The following TSHZ3 variants were observed in gnomAD, a reference collection of about 807,000 sequenced individuals.
TSHZ3 encodes the protein teashirt zinc finger homeobox 3, also known as teashirt homolog 3.
Under a neutral mutation model 64.5 loss-of-function variants are expected in TSHZ3, and 10 were observed. The observed-to-expected ratio is 0.16, with a 90% CI of 0.10 to 0.26. TSHZ3 has a LOEUF of 0.26. Among genes scored for constraint, TSHZ3 ranks in the 10% least tolerant of loss-of-function variants. The probability of loss-of-function intolerance (pLI) is 1.00; values close to 1 mark genes in which losing one functional copy is unlikely to be tolerated. For missense variants in TSHZ3, 1,242 were observed against 1,421.7 expected, an observed-to-expected ratio of 0.87 and a Z score of 2.03; for synonymous variants, 608 against 593.1, an observed-to-expected ratio of 1.03 and a Z score of -0.36.
intron 1 of TSHZ3, among the ~76,000 whole-genome samples, chr19:31,283,103 C>T (rs778807542): frequency 2.0e-4 from 31 of 152,186 alleles, no homozygotes; most frequent in Non-Finnish European, 3.5e-4. Context: ...GAGGCCAAGG[C>T]AGGCAGACTG....
intron 5 of TSHZ3, among the ~76,000 whole-genome samples, chr19:31,189,562 T>A (rs1974868745): frequency 7.0e-6 from 1 of 142,984 alleles, no homozygotes; most frequent in African/African-American, 2.9e-5. Flanking sequence ...GTATTTGTCA[T>A]TTTTTTTTTC....
intron 5 of TSHZ3, among the ~76,000 whole-genome samples, chr19:31,177,507 C>G (rs914743764): frequency 7.2e-5 from 11 of 152,256 alleles, no homozygotes; most frequent in African/African-American, 2.4e-4. Flanking sequence ...TCCATCTTCA[C>G]ATACCCTTCT....
chr19:31,161,899 G>A (rs1047554920), intron 5 of TSHZ3, among the ~76,000 whole-genome samples: 1 of 152,220 alleles, frequency 6.6e-6, no homozygotes, highest in African/African-American at 2.4e-5. Context: ...TTCCAGTGAC[G>A]CTATTTCAAA....
intron 1 of TSHZ3, among the ~76,000 whole-genome samples, chr19:31,314,717 T>G (rs1358081600): frequency 6.6e-6 from 1 of 152,202 alleles, no homozygotes; most frequent in Non-Finnish European, 1.5e-5. Flanking sequence ...TGGGAGAAAT[T>G]AACCGTTTGG....
At chr19:31,214,743 C>T (rs962790358) in intron 4 of TSHZ3, among the ~76,000 whole-genome samples, 1 of 151,654 alleles carries the variant, frequency 6.6e-6, no homozygotes, top group Non-Finnish European at 1.5e-5. Context: ...CCCGTCTCTA[C>T]TAAAAATACA....
At chr19:31,197,376 T>C (rs1033545078) in intron 5 of TSHZ3, among the ~76,000 whole-genome samples, 12 of 150,848 alleles carry the variant, frequency 8.0e-5, no homozygotes, top group African/African-American at 2.9e-4. Flanking sequence ...GAACCAAAAT[T>C]AATCATCTAG....
intron 4 of TSHZ3, among the ~76,000 whole-genome samples, chr19:31,220,874 T>C (rs1021094678): frequency 1.3e-5 from 2 of 152,178 alleles, no homozygotes; most frequent in African/African-American, 4.8e-5. Context: ...GACTCCAGGA[T>C]TGAAATTTCA....
At chr19:31,235,112 C>G (rs975715746) in intron 3 of TSHZ3, among the ~76,000 whole-genome samples, 5 of 152,074 alleles carry the variant, frequency 3.3e-5, no homozygotes, top group African/African-American at 1.2e-4. Context: ...ATGTTTTGAG[C>G]TATGTATATA....
intron 1 of TSHZ3, among the ~76,000 whole-genome samples, chr19:31,293,956 G>C (rs1433088432): frequency 6.6e-6 from 1 of 152,164 alleles, no homozygotes; most frequent in Non-Finnish European, 1.5e-5. Context: ...GGGCTGAGAA[G>C]TCCCACGTGC....
chr19:31,204,728 CT>C (rs1323994765), intron 5 of TSHZ3: 1 of 152,234 alleles, frequency 6.6e-6, no homozygotes, highest in Non-Finnish European at 1.5e-5. Context: ...CCTGAGTTGT[CT>C]TTCCTGCACT....
chr19:31,265,526 G>T (rs1225340430), intron 1 of TSHZ3, among the ~76,000 whole-genome samples: 1 of 152,020 alleles, frequency 6.6e-6, no homozygotes, highest in Non-Finnish European at 1.5e-5. Flanking sequence ...TGAATCAGGG[G>T]TGCCACTCCT....
At chr19:31,318,609 ATATCT>A (rs1326813072) in intron 1 of TSHZ3, among the ~76,000 whole-genome samples, 4 of 152,302 alleles carry the variant, frequency 2.6e-5, no homozygotes, top group African/African-American at 9.6e-5. Flanking sequence ...TTTTTGTAAA[ATATCT>A]TATTTTGGGT....
intron 1 of TSHZ3, among the ~76,000 whole-genome samples, chr19:31,315,833 C>T (rs968294848): frequency 1.3e-5 from 2 of 152,088 alleles, no homozygotes; most frequent in South Asian, 2.1e-4. Context: ...TTCTCTGCTG[C>T]TTGATTGACA....
intron 4 of TSHZ3, among the ~76,000 whole-genome samples, chr19:31,209,384 T>C (rs1975230589): frequency 6.6e-6 from 1 of 151,756 alleles, no homozygotes; most frequent in Non-Finnish European, 1.5e-5. Flanking sequence ...CAGGACAGAG[T>C]AGTGATTAGG....
At chr19:31,326,295 G>C (rs575570611) in intron 1 of TSHZ3, among the ~76,000 whole-genome samples, 1 of 152,342 alleles carries the variant, frequency 6.6e-6, no homozygotes, top group South Asian at 2.1e-4. Flanking sequence ...CTGAGGAGCT[G>C]GGGTTAGAAG....
intron 1 of TSHZ3, among the ~76,000 whole-genome samples, chr19:31,309,209 C>T (rs966827781): frequency 6.6e-6 from 1 of 152,230 alleles, no homozygotes; most frequent in Admixed American, 6.5e-5. Flanking sequence ...TCCCTATGGT[C>T]TCTCAGTGCT....
chr19:31,154,034 C>G (rs1974272215), intron 6 of TSHZ3, among the ~76,000 whole-genome samples: 1 of 152,110 alleles, frequency 6.6e-6, no homozygotes, highest in South Asian at 2.1e-4. Flanking sequence ...TGATGGTATC[C>G]CAGTTCTGAA....
At chr19:31,341,877 G>C (rs184838293) in intron 1 of TSHZ3, among the ~76,000 whole-genome samples, 1 of 152,088 alleles carries the variant, frequency 6.6e-6, no homozygotes, top group Admixed American at 6.6e-5. Context: ...TTAAGAAAAC[G>C]GGCATTAAGA....
chr19:31,315,172 G>A (rs1205086831), intron 1 of TSHZ3, among the ~76,000 whole-genome samples: 2 of 152,180 alleles, frequency 1.3e-5, no homozygotes, highest in South Asian at 2.1e-4. Context: ...GCTGAAAGGC[G>A]CATTATTTGG....
Sources: allele counts gnomAD v4.1 joint callset (sites outside exome capture counted in the v4.1 genomes callset), GRCh38; gene constraint gnomAD v4.1.1; transcripts MANE v1.5; gene names NCBI Gene and HGNC (gene_info 2026-07-23, HGNC 2026-07-21).